Variants in PPFIA2 observed in about 807,000 individuals in gnomAD.
The protein encoded by PPFIA2 is PPFI scaffold protein A2, also known as liprin-alpha-2.
A neutral mutation model predicts 175.5 loss-of-function variants in PPFIA2; 46 were observed. The observed-to-expected ratio is 0.26, with a 90% CI of 0.21 to 0.34. The LOEUF is 0.34. PPFIA2 is among the 10% of genes least tolerant of loss of function. The pLI, the probability that PPFIA2 is intolerant of heterozygous loss-of-function variation, is 1.00. For missense variants in PPFIA2, 1,179 were observed against 1,506.1 expected, an observed-to-expected ratio of 0.78 and a Z score of 3.60; for synonymous variants, 568 against 511.4, an observed-to-expected ratio of 1.11 and a Z score of -1.49.
At chr12:81,574,383 T>G (rs2153418427) in intron 4 of PPFIA2, among the ~76,000 whole-genome samples, 1 of 151,962 alleles carries the variant, frequency 6.6e-6, no homozygotes, top group East Asian at 1.9e-4. Flanking sequence ...CTCCTTAATA[T>G]TTCAGATGGC....
chr12:81,446,239 C>A (rs1158641993), intron 5 of PPFIA2, among the ~76,000 whole-genome samples: 1 of 152,106 alleles, frequency 6.6e-6, no homozygotes, highest in Non-Finnish European at 1.5e-5. Flanking sequence ...ATATATGCAA[C>A]CAATTAGAAC....
intron 22 of PPFIA2, among the ~76,000 whole-genome samples, chr12:81,310,778 T>C (rs985581028): frequency 2.6e-5 from 4 of 152,162 alleles, no homozygotes; most frequent in African/African-American, 9.6e-5. Flanking sequence ...AATTCCTCAA[T>C]ATTGTAAAAC....
At chr12:81,290,974 C>T (rs1176137869) in intron 24 of PPFIA2, among the ~76,000 whole-genome samples, 2 of 151,504 alleles carry the variant, frequency 1.3e-5, no homozygotes, top group Non-Finnish European at 3.0e-5. Flanking sequence ...AGTGATGTTG[C>T]AGTTGCATAT....
chr12:81,551,626 C>A (rs2067942755), intron 4 of PPFIA2, among the ~76,000 whole-genome samples: 1 of 151,798 alleles, frequency 6.6e-6, no homozygotes, highest in Non-Finnish European at 1.5e-5. Flanking sequence ...ATAAACCCCC[C>A]ATGGATAGCA....
At chr12:81,445,517 G>T (rs887314478) in intron 6 of PPFIA2, 39 bp downstream of exon 6, 1 of 1,584,700 alleles carries the variant, frequency 6.3e-7, no homozygotes, top group Admixed American at 1.7e-5. Context: ...GCTGATGACA[G>T]AAGTGTAGTT....
intron 8 of PPFIA2, among the ~76,000 whole-genome samples, chr12:81,390,792 C>T (rs1261585747): frequency 6.6e-6 from 1 of 151,254 alleles, no homozygotes. Context: ...TTAAGAAGTT[C>T]CAGTTTATCA....
intron 32 of PPFIA2, chr12:81,260,368 C>T (rs1358605709): frequency 1.3e-5 from 2 of 152,136 alleles, no homozygotes; most frequent in African/African-American, 4.8e-5. Context: ...TAGAGTAACT[C>T]TACCCATCAC....
intron 23 of PPFIA2, 89 bp from the exon 24 acceptor site, chr12:81,295,124 A>C: frequency 1.7e-6 from 2 of 1,192,744 alleles, no homozygotes; most frequent in Non-Finnish European, 2.4e-6. Flanking sequence ...TATGTATCTT[A>C]CATACATGAC....
rs144916127 is a variant in PPFIA2 at position 81,513,678 on chromosome 12, T to G, written c.304-55812A>C. ...TTAATATTTGTGTAACAGTTTACTT[T>G]TATTTTTAAAAATGATTTTATGTAG... On this transcript the variant is annotated intron_variant, in intron 4 of 32. Coordinates refer to ENST00000549396, the MANE Select transcript of PPFIA2 (RefSeq NM_003625.5). 1.7e-3 allele frequency among the ~76,000 whole-genome samples: 259 copies of G among 152,172 alleles called. 2 individuals are homozygous for G. The highest frequency in any genetic ancestry group is 6.1e-3 in the African/African-American group (253 of 41,568).
intron 4 of PPFIA2, among the ~76,000 whole-genome samples, chr12:81,668,634 G>A (rs2070815139): frequency 6.6e-6 from 1 of 151,956 alleles, no homozygotes; most frequent in East Asian, 1.9e-4. Context: ...AAACCCTGCA[G>A]TACTCCCTAC....
At chr12:81,561,400 T>C (rs1327193139) in intron 4 of PPFIA2, among the ~76,000 whole-genome samples, 1 of 152,152 alleles carries the variant, frequency 6.6e-6, no homozygotes, top group Non-Finnish European at 1.5e-5. Flanking sequence ...TAGACACAGT[T>C]CATGCTTCAA....
intron 8 of PPFIA2, among the ~76,000 whole-genome samples, chr12:81,397,427 G>T (rs778851030): frequency 3.3e-5 from 5 of 152,004 alleles, no homozygotes; most frequent in African/African-American, 4.8e-5. Flanking sequence ...TTCCTGTAAT[G>T]CAAGTGAAGA....
chr12:81,413,971 T>C (rs1211660873), intron 7 of PPFIA2, among the ~76,000 whole-genome samples: 1 of 151,782 alleles, frequency 6.6e-6, no homozygotes, highest in African/African-American at 2.4e-5. Flanking sequence ...TCTTGAACAT[T>C]TATTACATGC....
intron 8 of PPFIA2, among the ~76,000 whole-genome samples, chr12:81,392,651 C>T (rs1273549439): frequency 6.6e-6 from 1 of 151,894 alleles, no homozygotes; most frequent in Non-Finnish European, 1.5e-5. Context: ...ATTTTTATCT[C>T]TATTAAAAGT....
chr12:81,690,398 T>C (rs911701717), intron 3 of PPFIA2, among the ~76,000 whole-genome samples: 1 of 152,062 alleles, frequency 6.6e-6, no homozygotes, highest in Non-Finnish European at 1.5e-5. Context: ...GGCAGGAAAT[T>C]TCTTCATGGA....
At chr12:81,539,006 G>A (rs2065823823) in intron 4 of PPFIA2, among the ~76,000 whole-genome samples, 1 of 151,900 alleles carries the variant, frequency 6.6e-6, no homozygotes, top group South Asian at 2.1e-4. Context: ...CTCAGACCAG[G>A]GTGGCAGCAA....
chr12:81,758,215 C>T (rs1238722317), intron 2 of PPFIA2, among the ~76,000 whole-genome samples, 185 bp downstream of exon 2: 1 of 152,032 alleles, frequency 6.6e-6, no homozygotes, highest in Non-Finnish European at 1.5e-5. Context: ...CAACAGGACA[C>T]AGCCAAGTAG....
In PPFIA2 at chr12:81,385,202, A is replaced by C. The variant is rs140251761; in HGVS notation, c.763-958T>G. Among the ~76,000 whole-genome samples, 429 of 152,270 alleles carry C rather than the reference A, an allele frequency of 2.8e-3. 1 individual carries two copies. Among genetic ancestry groups the C allele is most frequent in the Non-Finnish European group, 4.8e-3 (326 of 67,996 alleles). On this transcript the variant is annotated intron_variant, in intron 8 of 32. Coordinates refer to ENST00000549396, the MANE Select transcript of PPFIA2 (RefSeq NM_003625.5). ...GAATGGCTATTAGCAAAAAGCCAAT[A>C]AGTGTTGGTAAAAGAATAAGAATGT...
chr12:81,544,886 T>A (rs556836407), intron 4 of PPFIA2, among the ~76,000 whole-genome samples: 4 of 152,282 alleles, frequency 2.6e-5, no homozygotes, highest in African/African-American at 9.6e-5. Flanking sequence ...TAAGGTAGCA[T>A]AATTAATAGT....
Sources: allele counts gnomAD v4.1 joint callset (sites outside exome capture counted in the v4.1 genomes callset), GRCh38; gene constraint gnomAD v4.1.1; transcripts MANE v1.5; gene names NCBI Gene and HGNC (gene_info 2026-07-23, HGNC 2026-07-21).